LRGUK: variants seen among roughly 807,000 people sequenced by gnomAD.
The protein encoded by LRGUK is leucine rich repeats and guanylate kinase domain containing, also known as leucine-rich repeat and guanylate kinase domain-containing protein.
Under a neutral mutation model 76.0 loss-of-function variants are expected in LRGUK, and 65 were observed. The ratio of observed to expected loss-of-function variants is 0.85; its 90% CI spans 0.70 to 1.05. LRGUK has a LOEUF of 1.05. Ranked by LOEUF, LRGUK falls within the 50% of genes least tolerant of loss-of-function variation. The pLI, the probability that LRGUK is intolerant of heterozygous loss-of-function variation, is 0.00. For missense variants in LRGUK, 758 were observed against 732.8 expected (o/e 1.03, Z -0.40); for synonymous variants, 268 against 265.6 (o/e 1.01, Z -0.09).
chr7:134,249,622 G>T (rs1455021769), intron 18 of LRGUK, among the ~76,000 whole-genome samples: 1 of 152,120 alleles, frequency 6.6e-6, no homozygotes, highest in Non-Finnish European at 1.5e-5. Flanking sequence ...GTATGACGCT[G>T]TATTTCAAAA....
At chr7:134,172,945 C>T (rs1203954801) in intron 7 of LRGUK, among the ~76,000 whole-genome samples, 2 of 152,034 alleles carry the variant, frequency 1.3e-5, no homozygotes, top group Non-Finnish European at 2.9e-5. Context: ...CATGATCATA[C>T]TACTGCACCC....
At chr7:134,220,803 C>G (rs561226713) in intron 15 of LRGUK, among the ~76,000 whole-genome samples, 1 of 152,026 alleles carries the variant, frequency 6.6e-6, no homozygotes, top group Non-Finnish European at 1.5e-5. Context: ...CTCCTGGGCT[C>G]AAGTGTTCTG....
chr7:134,210,267 T>C (rs1801196058), downstream of LRGUK: 2 of 398,798 alleles, frequency 5.0e-6, no homozygotes, highest in African/African-American at 4.1e-5. Flanking sequence ...TATTTCAGTG[T>C]GTAACTGTTA....
At chr7:134,158,691 T>A (rs1440815369) in intron 6 of LRGUK, among the ~76,000 whole-genome samples, 3 of 152,174 alleles carry the variant, frequency 2.0e-5, no homozygotes, top group African/African-American at 7.2e-5. Flanking sequence ...ATCAGAAAGT[T>A]TAAATTTGAT....
chr7:134,149,108 T>TAAA lies in LRGUK; in HGVS notation c.670+802_670+804dup, dbSNP rs5887660. On this transcript the variant is annotated intron_variant, in intron 5 of 15. Coordinates refer to ENST00000645682, the Ensembl canonical transcript of LRGUK. ...GTATTTTAAATATGCTTTCTTTTTTTAAAAAAAAAAAAAAACAACTTTTGA... is the reference window on the plus strand; with the variant it reads ...GTATTTTAAATATGCTTTCTTTTTTTAAAAAAAAAAAAAAAAAACAACTTTTGA... Among the ~76,000 whole-genome samples the TAAA allele has an allele frequency of 2.4e-3, 360 of 148,940 alleles. 6 individuals carry two copies. The highest frequency in any genetic ancestry group is 9.8e-3 in the East Asian group (50 of 5,114).
chr7:134,180,787 G>A, intron 10 of LRGUK, among the ~76,000 whole-genome samples: 1 of 152,078 alleles, frequency 6.6e-6, no homozygotes, highest in Admixed American at 6.6e-5. Context: ...GGACAGTTGA[G>A]TGGCATCAAG....
intron 16 of LRGUK, among the ~76,000 whole-genome samples, chr7:134,240,237 G>A (rs569472668): frequency 1.9e-3 from 284 of 152,066 alleles, no homozygotes; most frequent in African/African-American, 5.7e-3. Context: ...CAGATGATCG[G>A]TAATAACAAA....
At chr7:134,142,601 A>T (rs550803116) in intron 3 of LRGUK, among the ~76,000 whole-genome samples, 154 of 148,292 alleles carry the variant, frequency 1.0e-3, no homozygotes, top group Non-Finnish European at 1.8e-3. Flanking sequence ...TTTAATTTAC[A>T]ACAAAGAGAG....
chr7:134,227,561 GCC>G (rs1281635284), intron 16 of LRGUK, among the ~76,000 whole-genome samples: 1 of 152,116 alleles, frequency 6.6e-6, no homozygotes, highest in Non-Finnish European at 1.5e-5. Context: ...TAGGAAACAG[GCC>G]TACAAGAGCC....
the LRGUK span, among the ~76,000 whole-genome samples, chr7:134,272,795 A>G: frequency 6.6e-6 from 1 of 152,224 alleles, no homozygotes; most frequent in Admixed American, 6.5e-5. Flanking sequence ...TAGGTAATGC[A>G]TCTGTGGTGA....
intron 5 of LRGUK, among the ~76,000 whole-genome samples, chr7:134,155,515 T>C (rs1303570804): frequency 6.6e-6 from 1 of 152,200 alleles, no homozygotes; most frequent in East Asian, 1.9e-4. Flanking sequence ...TCTGGTACAT[T>C]TTACATTTTT....
intron 14 of LRGUK, among the ~76,000 whole-genome samples, chr7:134,200,723 A>G (rs1327223948): frequency 1.3e-5 from 2 of 152,222 alleles, no homozygotes; most frequent in African/African-American, 2.4e-5. Flanking sequence ...GAAACATGTT[A>G]AAGTATTACA....
chr7:134,214,812 A>G (rs1216778761), downstream of LRGUK, among the ~76,000 whole-genome samples: 2 of 145,214 alleles, frequency 1.4e-5, no homozygotes, highest in African/African-American at 5.0e-5. Flanking sequence ...ACACACACAC[A>G]CACTTTGAAG....
At position 134,200,171 on chromosome 7, in the gene LRGUK, G is replaced by C. The variant is rs1800707620; in HGVS notation, c.1747+750G>C. Among the ~76,000 whole-genome samples, 6 of 150,518 alleles carry C rather than the reference G, an allele frequency of 4.0e-5. No homozygotes were observed. The South Asian group carries it at 1.3e-3, about 32-fold the overall frequency. On this transcript the variant is annotated intron_variant, in intron 14 of 15. Coordinates refer to ENST00000645682, the Ensembl canonical transcript of LRGUK. ...TCTGCCTCAACTTCCTGTATAGCTG[G>C]GATTACAGGTGCCCGCCACCACGCC... is the stretch of plus-strand genomic sequence containing the variant.
intron 11 of LRGUK, among the ~76,000 whole-genome samples, chr7:134,190,564 C>G (rs1056987850): frequency 2.7e-4 from 41 of 152,346 alleles, no homozygotes; most frequent in African/African-American, 7.7e-4. Context: ...CATTTCTGCA[C>G]TTAACAGTGG....
chr7:134,263,000 G>GT (rs1031250305), intron 19 of LRGUK, among the ~76,000 whole-genome samples: 1 of 144,984 alleles, frequency 6.9e-6, no homozygotes, highest in Non-Finnish European at 1.5e-5. Context: ...AAAAGGAGGA[G>GT]TTTTTTTTCT....
intron 5 of LRGUK, among the ~76,000 whole-genome samples, chr7:134,150,619 T>C (rs1184738324): frequency 1.3e-5 from 2 of 152,226 alleles, no homozygotes; most frequent in African/African-American, 4.8e-5. Flanking sequence ...GAGTTTGTTA[T>C]GGAGATCTCT....
chr7:134,201,428 C>T (rs1585545740), intron 14 of LRGUK, 53 bp from the exon 15 acceptor site: 3 of 1,348,278 alleles, frequency 2.2e-6, no homozygotes, highest in Non-Finnish European at 3.2e-6. Context: ...AGTTGAACAT[C>T]AACTGTATTG....
intron 6 of LRGUK, among the ~76,000 whole-genome samples, chr7:134,158,736 T>G (rs1798588769): frequency 6.6e-6 from 1 of 152,196 alleles, no homozygotes; most frequent in African/African-American, 2.4e-5. Context: ...TTCGAAGCTG[T>G]GTGACCTGCT....
Sources: allele counts gnomAD v4.1 joint callset (sites outside exome capture counted in the v4.1 genomes callset), GRCh38; gene constraint gnomAD v4.1.1; transcripts MANE v1.5; gene names NCBI Gene and HGNC (gene_info 2026-07-23, HGNC 2026-07-21).